The following MTCL1 variants were observed in gnomAD, a reference collection of about 807,000 sequenced individuals.
The protein encoded by MTCL1 is microtubule crosslinking factor 1, also known as microtubule cross-linking factor 1.
MTCL1 carries 79 observed loss-of-function variants against 141.4 expected under a neutral mutation model. The observed-to-expected ratio is 0.56, with a 90% CI of 0.47 to 0.67. The LOEUF is 0.67. Ranked by LOEUF, MTCL1 falls within the 30% of genes least tolerant of loss-of-function variation. The probability of loss-of-function intolerance (pLI) is 0.00; values close to 1 mark genes in which losing one functional copy is unlikely to be tolerated. For synonymous variants in MTCL1, 914 were observed against 875.8 expected (o/e 1.04, Z -0.77); for missense variants, 2,177 against 2,113.9 (o/e 1.03, Z -0.59).
At chr18:8,772,815 T>C (rs2096490259) in intron 4 of MTCL1, among the ~76,000 whole-genome samples, 1 of 152,070 alleles carries the variant, frequency 6.6e-6, no homozygotes, top group African/African-American at 2.4e-5. Flanking sequence ...CATGACTGTG[T>C]CTAGAAATAT....
At chr18:8,723,916 T>C (rs776095950) in intron 4 of MTCL1, among the ~76,000 whole-genome samples, 5 of 152,026 alleles carry the variant, frequency 3.3e-5, no homozygotes, top group South Asian at 2.1e-4. Context: ...TTCGATTCCA[T>C]TGATAAGAAA....
At chr18:8,785,150 A>AT (rs1484403228) in intron 6 of MTCL1, among the ~76,000 whole-genome samples, 1 of 151,754 alleles carries the variant, frequency 6.6e-6, no homozygotes, top group Non-Finnish European at 1.5e-5. Flanking sequence ...AGTGGAAGCG[A>AT]TAGGGCTCGA....
At chr18:8,789,141 C>G (rs1026380311) in intron 7 of MTCL1, among the ~76,000 whole-genome samples, 1 of 152,234 alleles carries the variant, frequency 6.6e-6, no homozygotes, top group Non-Finnish European at 1.5e-5. Context: ...TCAAAGAGCT[C>G]TTCTCCTCAG....
rs571633036 is a variant in MTCL1 at position 8,825,131 on chromosome 18, G to A, written c.3621G>A (p.Ala1207=). The change falls in exon 15 of 17, where the codon GCG becomes GCA. Residue 1207 remains alanine (A), a synonymous_variant. Coordinates refer to ENST00000359865, the Ensembl canonical transcript of MTCL1. ...TGCGCAGGGTCGACAGCATCACGGC[G>A]GCAGGTGGTGAGGGTCCCTTTCCCA... 2.8e-5 allele frequency: 44 copies of A among 1,589,364 alleles called. No homozygotes were observed. The Middle Eastern group carries it at 5.0e-4, about 18-fold the overall frequency.
intron 7 of MTCL1, among the ~76,000 whole-genome samples, chr18:8,787,998 A>G (rs1197471318): frequency 8.6e-6 from 1 of 116,518 alleles, no homozygotes; most frequent in Non-Finnish European, 1.7e-5. Context: ...AAAGAATTGT[A>G]CAATGGATAA....
At chr18:8,790,300 T>C (rs2075675927) in intron 7 of MTCL1, among the ~76,000 whole-genome samples, 2 of 152,250 alleles carry the variant, frequency 1.3e-5, no homozygotes, top group South Asian at 4.1e-4. Flanking sequence ...GTTCATGCAA[T>C]GTATAGAAAC....
intron 4 of MTCL1, among the ~76,000 whole-genome samples, chr18:8,747,028 C>T (rs928607473): frequency 8.5e-5 from 13 of 152,218 alleles, no homozygotes; most frequent in African/African-American, 2.9e-4. Context: ...CTGGGTATCG[C>T]GACGATGCTC....
upstream of MTCL1, among the ~76,000 whole-genome samples, chr18:8,714,947 C>T (rs558235100): frequency 1.3e-5 from 2 of 152,268 alleles, no homozygotes; most frequent in East Asian, 1.9e-4. Context: ...CAGGTGCCCG[C>T]CACCACGCCT....
In MTCL1 at chr18:8,783,408, G is replaced by A. The variant is rs1200148060; in HGVS notation, c.418-122G>A. ...TTTCTCTATGTAACTCAGCGGCACC[G>A]ATGGGAAGATCGGTGTTTGATGTTT... is the stretch of plus-strand genomic sequence containing the variant. On this transcript the variant is annotated intron_variant, in intron 5 of 16. Coordinates refer to ENST00000359865, the Ensembl canonical transcript of MTCL1. 2.5e-5 allele frequency: 24 copies of A among 946,814 alleles called. No individual in the cohort carries two copies. In the East Asian group the frequency reaches 2.9e-4, roughly 12 times the overall value. 58.7% of individuals were successfully genotyped at this position (946,814 alleles called of 1,614,324 possible).
At position 8,786,027 on chromosome 18, in the gene MTCL1, A is replaced by ACCG. The variant is rs776310915; in HGVS notation, c.1828_1830dup (p.Arg610dup). On this transcript the variant is annotated inframe_insertion, in exon 7 of 17. Transcript: ENST00000359865. ...CGCCTCCGAGCCGCGCGGGAGCTGC[A>ACCG]CCGCCGCGCAGACGGGGACACCGGG... The ACCG allele has an allele frequency of 1.9e-6, 3 of 1,604,652 alleles. No homozygotes were observed. In the South Asian group the frequency reaches 3.3e-5, roughly 18 times the overall value.
rs1414907731 is a variant in MTCL1 at position 8,720,513 on chromosome 18, G to A, written c.357+17G>A. The A allele has an allele frequency of 3.1e-6, 5 of 1,611,598 alleles. No homozygotes were observed. In the African/African-American group the frequency reaches 5.3e-5, roughly 17 times the overall value. On this transcript the variant is annotated intron_variant, in intron 4 of 16. Transcript: ENST00000359865. ...CTGAAAGAGGTAATCCAAAACTGTGGGGGTCCTGCCCCCTTGGATTTAATA... is the reference window on the plus strand; with the variant it reads ...CTGAAAGAGGTAATCCAAAACTGTGAGGGTCCTGCCCCCTTGGATTTAATA...
chr18:8,764,992 G>A (rs2096452883), intron 4 of MTCL1, among the ~76,000 whole-genome samples: 1 of 152,190 alleles, frequency 6.6e-6, no homozygotes, highest in African/African-American at 2.4e-5. Flanking sequence ...AAACAAAATA[G>A]TGGCCTATGT....
intron 12 of MTCL1, among the ~76,000 whole-genome samples, chr18:8,818,136 T>G (rs1338822557): frequency 6.6e-6 from 1 of 152,198 alleles, no homozygotes; most frequent in African/African-American, 2.4e-5. Context: ...ACGGCATGAC[T>G]CCGGTGAGCC....
At chr18:8,829,390 C>T in intron 16 of MTCL1, 1 of 985,188 alleles carries the variant, frequency 1.0e-6, no homozygotes, top group South Asian at 4.7e-5. Flanking sequence ...GAGGTGTGAC[C>T]CTAATGTGAT....
intron 4 of MTCL1, among the ~76,000 whole-genome samples, chr18:8,735,911 A>AT (rs1202665897): frequency 5.9e-5 from 9 of 152,136 alleles, no homozygotes; most frequent in African/African-American, 2.2e-4. Flanking sequence ...CTTTATATAT[A>AT]TTTTTTTTAA....
intron 4 of MTCL1, among the ~76,000 whole-genome samples, chr18:8,755,063 C>T (rs2096390023): frequency 1.3e-5 from 2 of 152,204 alleles, no homozygotes; most frequent in Admixed American, 1.3e-4. Context: ...GTTAGCGACA[C>T]AGCACATTTG....
chr18:8,786,112 C>CCCA, intron 7 of MTCL1, 21 bp downstream of exon 6: 15 of 1,362,934 alleles, frequency 1.1e-5, no homozygotes, highest in Admixed American at 5.3e-5. Flanking sequence ...GCAAGCAATC[C>CCCA]CCCCCCCCCG....
At chr18:8,773,349 C>G (rs569102324) in intron 4 of MTCL1, among the ~76,000 whole-genome samples, 1 of 152,144 alleles carries the variant, frequency 6.6e-6, no homozygotes, top group East Asian at 1.9e-4. Flanking sequence ...TTTTTTGAGT[C>G]TATAAATGTC....
chr18:8,772,948 A>G lies in MTCL1; in HGVS notation c.358-4885A>G, dbSNP rs150556030. On this transcript the variant is annotated intron_variant, in intron 4 of 16. Coordinates refer to ENST00000359865, the Ensembl canonical transcript of MTCL1. ...ATAAAAATAATAAGAAAGAAAGGTAACTGTATGAGATGATGGTTATGTTGA... is the reference window on the plus strand; with the variant it reads ...ATAAAAATAATAAGAAAGAAAGGTAGCTGTATGAGATGATGGTTATGTTGA... Among the ~76,000 whole-genome samples the G allele has an allele frequency of 9.5e-3, 1,452 of 152,276 alleles. 30 individuals are homozygous for G. The highest frequency in any genetic ancestry group is 0.031 in the African/African-American group (1,281 of 41,544).
Sources: allele counts gnomAD v4.1 joint callset (sites outside exome capture counted in the v4.1 genomes callset), GRCh38; gene constraint gnomAD v4.1.1; transcripts MANE v1.5; gene names NCBI Gene and HGNC (gene_info 2026-07-23, HGNC 2026-07-21).